Variants in RBFOX2 observed in about 807,000 individuals in gnomAD.
RBFOX2 encodes RNA binding fox-1 homolog 2, also known as RNA binding protein fox-1 homolog 2.
Under a neutral mutation model 49.1 loss-of-function variants are expected in RBFOX2, and 10 were observed. That is an observed-to-expected ratio of 0.20 (90% CI 0.13 to 0.35). RBFOX2 has a LOEUF of 0.35. RBFOX2 is among the 10% of genes least tolerant of loss of function. The pLI is 1.00. For missense variants in RBFOX2, 323 were observed against 486.9 expected (o/e 0.66, Z 3.17); for synonymous variants, 183 against 187.4 (o/e 0.98, Z 0.19).
intron 1 of RBFOX2, among the ~76,000 whole-genome samples, chr22:35,850,410 G>A (rs972777730): frequency 6.6e-6 from 1 of 152,088 alleles, no homozygotes; most frequent in Non-Finnish European, 1.5e-5. Context: ...TTTAACAGAG[G>A]TTAGGACAGC....
At chr22:35,952,655 G>C (rs757528059) in intron 1 of RBFOX2, among the ~76,000 whole-genome samples, 1 of 152,084 alleles carries the variant, frequency 6.6e-6, no homozygotes, top group Non-Finnish European at 1.5e-5. Context: ...AGACTCAAAG[G>C]CTACACATAC....
At chr22:35,862,642 G>A (rs5755969) in intron 1 of RBFOX2, among the ~76,000 whole-genome samples, 11,615 of 152,186 alleles carry the variant, frequency 0.076, 461 homozygotes, top group South Asian at 0.086. Flanking sequence ...ACCTAGCAGA[G>A]TACCTGGTTG....
At chr22:35,910,490 C>T (rs950210172) in intron 1 of RBFOX2, among the ~76,000 whole-genome samples, 1 of 152,166 alleles carries the variant, frequency 6.6e-6, no homozygotes, top group African/African-American at 2.4e-5. Flanking sequence ...TAAAGGGCTA[C>T]AATCAGGATA....
chr22:36,005,417 A>G (rs2058583072), intron 1 of RBFOX2, among the ~76,000 whole-genome samples: 1 of 152,278 alleles, frequency 6.6e-6, no homozygotes, highest in Non-Finnish European at 1.5e-5. Context: ...AGTGAGATGC[A>G]AAGAAGTGTC....
chr22:35,945,897 C>G (rs2054225232), intron 1 of RBFOX2, among the ~76,000 whole-genome samples: 1 of 152,182 alleles, frequency 6.6e-6, no homozygotes, highest in Non-Finnish European at 1.5e-5. Context: ...AACTAGTAAA[C>G]TAAGCTTTCG....
chr22:35,833,539 T>G (rs1957153864), intron 1 of RBFOX2, among the ~76,000 whole-genome samples: 1 of 152,218 alleles, frequency 6.6e-6, no homozygotes, highest in African/African-American at 2.4e-5. Context: ...CTGCCTGATC[T>G]TTAGAATCTC....
intron 1 of RBFOX2, among the ~76,000 whole-genome samples, chr22:35,848,427 C>T (rs2041488957): frequency 6.6e-6 from 1 of 152,106 alleles, no homozygotes; most frequent in African/African-American, 2.4e-5. Context: ...ATATAGACCT[C>T]TATTAGAATA....
chr22:35,785,013 A>G (rs903987601), intron 2 of RBFOX2, among the ~76,000 whole-genome samples: 20 of 152,054 alleles, frequency 1.3e-4, no homozygotes, highest in African/African-American at 3.6e-4. Context: ...ATTTTTTTCA[A>G]TTGAGACAGT....
upstream of RBFOX2, among the ~76,000 whole-genome samples, chr22:35,963,218 C>A (rs1312484859): frequency 6.6e-6 from 1 of 151,962 alleles, no homozygotes; most frequent in African/African-American, 2.4e-5. Context: ...CTAGAAAAAG[C>A]TTTATAACTG....
At chr22:36,015,757 C>T (rs185387560) in intron 1 of RBFOX2, among the ~76,000 whole-genome samples, 26 of 151,940 alleles carry the variant, frequency 1.7e-4, no homozygotes, top group African/African-American at 5.8e-4. Context: ...GAAATTTAAT[C>T]GGGGCAGGGG....
intron 1 of RBFOX2, among the ~76,000 whole-genome samples, chr22:35,905,334 C>T (rs535252552): frequency 3.3e-5 from 5 of 152,162 alleles, no homozygotes; most frequent in Admixed American, 1.3e-4. Context: ...CAAAATGGTG[C>T]CACTTAGTAA....
At chr22:35,995,671 C>A (rs1225888975) in intron 1 of RBFOX2, 1 of 157,882 alleles carries the variant, frequency 6.3e-6, no homozygotes, top group Non-Finnish European at 1.4e-5. Context: ...TCCTGCTCCA[C>A]CATGGTTAAG....
intron 1 of RBFOX2, among the ~76,000 whole-genome samples, chr22:36,020,940 T>C (rs1373183246): frequency 2.0e-5 from 3 of 152,126 alleles, no homozygotes; most frequent in Non-Finnish European, 2.9e-5. Flanking sequence ...TAAAGACACA[T>C]GCACACGTAT....
chr22:35,795,628 C>CAAAAAAAA (rs139555281), intron 2 of RBFOX2, among the ~76,000 whole-genome samples: 3 of 33,572 alleles, frequency 8.9e-5, no homozygotes, highest in South Asian at 1.5e-3. Flanking sequence ...TGTAGAAAAG[C>CAAAAAAAA]AAAAAAAAAA....
upstream of RBFOX2, among the ~76,000 whole-genome samples, chr22:35,842,760 T>A (rs1229002909): frequency 6.6e-6 from 1 of 151,974 alleles, no homozygotes; most frequent in Non-Finnish European, 1.5e-5. Context: ...GACTGCAGCC[T>A]CCATACATCA....
intron 2 of RBFOX2, among the ~76,000 whole-genome samples, chr22:35,794,072 T>C (rs1263322755): frequency 6.6e-6 from 1 of 152,196 alleles, no homozygotes; most frequent in Non-Finnish European, 1.5e-5. Flanking sequence ...CTCAATTTTT[T>C]AAAACTTTAT....
chr22:36,022,986 G>A (rs886882797), intron 1 of RBFOX2, among the ~76,000 whole-genome samples: 2 of 152,116 alleles, frequency 1.3e-5, no homozygotes, highest in East Asian at 3.8e-4. Context: ...ATTTTGCTGT[G>A]GCAGCCCAAG....
upstream of RBFOX2, among the ~76,000 whole-genome samples, chr22:35,943,494 C>T (rs5750202): frequency 0.22 from 33,589 of 152,060 alleles, 5,766 homozygotes; most frequent in African/African-American, 0.48. Context: ...AAAATACCAA[C>T]CGTAAGAATC....
At chr22:35,745,983 C>T (rs1932563539) in exon 11 of RBFOX2, 6 of 1,613,532 alleles carry the variant, frequency 3.7e-6, no homozygotes, top group South Asian at 1.1e-5. Flanking sequence ...CGGCTGTGTA[C>T]ACCCTGCCAT....
Sources: allele counts gnomAD v4.1 joint callset (sites outside exome capture counted in the v4.1 genomes callset), GRCh38; gene constraint gnomAD v4.1.1; transcripts MANE v1.5; gene names NCBI Gene and HGNC (gene_info 2026-07-23, HGNC 2026-07-21).